MBNL1: variants seen among roughly 807,000 people sequenced by gnomAD.
The protein encoded by MBNL1 is muscleblind-like protein 1.
Under a neutral mutation model 42.2 loss-of-function variants are expected in MBNL1, and 8 were observed. The observed-to-expected ratio is 0.19, with a 90% CI of 0.11 to 0.34. The LOEUF is 0.34. Ranked by LOEUF, MBNL1 falls within the 10% of genes least tolerant of loss-of-function variation. The pLI is 1.00. For synonymous variants in MBNL1, 169 were observed against 173.9 expected (o/e 0.97, Z 0.22); for missense variants, 309 against 495.3 (o/e 0.62, Z 3.57).
At chr3:152,327,777 CTA>C (rs141742002) in intron 2 of MBNL1, among the ~76,000 whole-genome samples, 4 of 150,230 alleles carry the variant, frequency 2.7e-5, no homozygotes, top group Admixed American at 6.6e-5. Flanking sequence ...ATATTTTTTT[CTA>C]TATATATATA....
rs182309068 is a variant in MBNL1, at chr3:152,307,449, C to A, written c.174+7082C>A. 2.0e-3 allele frequency among the ~76,000 whole-genome samples: 299 copies of A among 152,138 alleles called. 2 individuals are homozygous for A. The highest frequency in any genetic ancestry group is 6.7e-3 in the African/African-American group (276 of 41,496). On this transcript the variant is annotated intron_variant, in intron 2 of 9. Transcript: ENST00000324210. The stretch of plus-strand genomic sequence containing the variant: ...CACAAATACACTTTCTTATTTTTTC[C>A]GTATGGAGTAAAATAACAAGGTGAG...
intron 3 of MBNL1, among the ~76,000 whole-genome samples, chr3:152,421,452 A>G (rs1297368198): frequency 6.6e-6 from 1 of 152,148 alleles, no homozygotes; most frequent in Non-Finnish European, 1.5e-5. Flanking sequence ...TCTGAAGTCA[A>G]CCCGGGACTA....
chr3:152,256,907 A>G (rs2035519476), intron 2 of MBNL1, among the ~76,000 whole-genome samples: 1 of 151,978 alleles, frequency 6.6e-6, no homozygotes, highest in African/African-American at 2.4e-5. Context: ...GAAGGATGAC[A>G]ATCATGTTGT....
At chr3:152,363,270 A>G (rs2096118924) in intron 2 of MBNL1, among the ~76,000 whole-genome samples, 1 of 152,192 alleles carries the variant, frequency 6.6e-6, no homozygotes. Flanking sequence ...AGGGATATAA[A>G]TTGAAGCTGT....
intron 2 of MBNL1, among the ~76,000 whole-genome samples, chr3:152,336,459 T>A (rs2090258488): frequency 6.6e-6 from 1 of 152,232 alleles, no homozygotes; most frequent in African/African-American, 2.4e-5. Flanking sequence ...ACCTATCACA[T>A]TGACATGATT....
intron 1 of MBNL1, among the ~76,000 whole-genome samples, chr3:152,273,914 C>T (rs1211281978): frequency 6.6e-6 from 1 of 152,106 alleles, no homozygotes; most frequent in African/African-American, 2.4e-5. Context: ...CATGCATGAG[C>T]ATATAACTTT....
At chr3:152,337,330 A>G (rs997428301) in intron 2 of MBNL1, among the ~76,000 whole-genome samples, 6 of 152,138 alleles carry the variant, frequency 3.9e-5, no homozygotes, top group Admixed American at 3.3e-4. Flanking sequence ...ATCAAAACTA[A>G]ATTAGTTGGC....
In MBNL1 at chr3:152,299,498, C is replaced by G. The variant is rs1440226317; in HGVS notation, c.-696C>G. 1 of 388,982 alleles carries G rather than the reference C, an allele frequency of 2.6e-6. No homozygotes were observed. The highest frequency in any genetic ancestry group is 4.5e-6 in the Non-Finnish European group (1 of 220,506). 24.1% of individuals were successfully genotyped at this position (388,982 alleles called of 1,614,324 possible). ...TTTGCCTTGCTTGCTGCCAGCTAGA[C>G]TGTGACGACAGCACATCCACCCTCC... On this transcript the variant is annotated 5_prime_UTR_variant, in exon 2 of 10. Transcript: ENST00000324210.
At chr3:152,407,209 CTTTT>C (rs60509782) in intron 2 of MBNL1, among the ~76,000 whole-genome samples, 1 of 54,376 alleles carries the variant, frequency 1.8e-5, no homozygotes, top group Non-Finnish European at 4.1e-5. Context: ...GAAATATGTT[CTTTT>C]TTTTTTTTTT....
intron 1 of MBNL1, among the ~76,000 whole-genome samples, chr3:152,297,075 G>A (rs1325958404): frequency 6.6e-6 from 1 of 152,074 alleles, no homozygotes; most frequent in African/African-American, 2.4e-5. Flanking sequence ...ATCTTAGCTG[G>A]CTTTAGAGGA....
chr3:152,248,843 C>A (rs1408702777), intron 2 of MBNL1, among the ~76,000 whole-genome samples: 1 of 151,844 alleles, frequency 6.6e-6, no homozygotes, highest in Non-Finnish European at 1.5e-5. Flanking sequence ...GTTCAATTCC[C>A]ATCTATGAGT....
intron 2 of MBNL1, among the ~76,000 whole-genome samples, chr3:152,318,285 T>C (rs1321824604): frequency 1.3e-5 from 2 of 152,166 alleles, no homozygotes; most frequent in African/African-American, 4.8e-5. Flanking sequence ...TTGAAAGTGG[T>C]TTGATCATTA....
At chr3:152,317,758 T>TGATCGAAAA (rs1484575916) in intron 2 of MBNL1, among the ~76,000 whole-genome samples, 1 of 152,222 alleles carries the variant, frequency 6.6e-6, no homozygotes, top group Non-Finnish European at 1.5e-5. Flanking sequence ...AAATGATTCT[T>TGATCGAAAA]CATCGATCAA....
At chr3:152,351,743 T>G (rs2095025602) in intron 2 of MBNL1, among the ~76,000 whole-genome samples, 1 of 152,194 alleles carries the variant, frequency 6.6e-6, no homozygotes, top group Non-Finnish European at 1.5e-5. Flanking sequence ...GTGTCATCTG[T>G]AACACTGGGT....
At chr3:152,269,788 G>A in intron 1 of MBNL1, 1 of 190,544 alleles carries the variant, frequency 5.2e-6, no homozygotes, top group Non-Finnish European at 1.1e-5. Flanking sequence ...AGTAAGTATA[G>A]AAGCTCTTTG....
At chr3:152,404,893 T>C (rs2098385092) in intron 2 of MBNL1, among the ~76,000 whole-genome samples, 1 of 151,926 alleles carries the variant, frequency 6.6e-6, no homozygotes, top group Non-Finnish European at 1.5e-5. Context: ...AGGTTTCTTA[T>C]TGAAGTAGAT....
chr3:152,411,189 A>G (rs1037564320), intron 2 of MBNL1, among the ~76,000 whole-genome samples: 1 of 152,226 alleles, frequency 6.6e-6, no homozygotes, highest in Admixed American at 6.5e-5. Context: ...TGATAAAATT[A>G]TACAGTTATC....
chr3:152,440,835 TG>T (rs1193124790), intron 4 of MBNL1, among the ~76,000 whole-genome samples: 2 of 152,332 alleles, frequency 1.3e-5, no homozygotes, highest in East Asian at 3.9e-4. Flanking sequence ...TCAAAGTGAT[TG>T]ATCAAAGTGA....
At chr3:152,320,744 G>C (rs1214486093) in intron 2 of MBNL1, among the ~76,000 whole-genome samples, 1 of 138,178 alleles carries the variant, frequency 7.2e-6, no homozygotes. Context: ...GTTTTGATTA[G>C]TATTGGTGTT....
Sources: allele counts gnomAD v4.1 joint callset (sites outside exome capture counted in the v4.1 genomes callset), GRCh38; gene constraint gnomAD v4.1.1; transcripts MANE v1.5; gene names NCBI Gene and HGNC (gene_info 2026-07-23, HGNC 2026-07-21).